SMG1: variants seen among roughly 807,000 people sequenced by gnomAD.
SMG1 encodes serine/threonine-protein kinase SMG1.
In SMG1, 22 loss-of-function variants were observed where a neutral mutation model predicts 419.9. That is an observed-to-expected ratio of 0.05 (90% confidence interval 0.04 to 0.07). The LOEUF (loss-of-function observed/expected upper bound fraction) is 0.07. SMG1 is among the 10% of genes least tolerant of loss of function. The pLI is 1.00. For missense variants in SMG1, 3,185 were observed against 4,342.0 expected, an observed-to-expected ratio of 0.73 and a Z score of 7.49; for synonymous variants, 1,538 against 1,553.5, an observed-to-expected ratio of 0.99 and a Z score of 0.23.
chr16:18,806,978 G>A lies in SMG1; in HGVS notation c.*2591C>T, dbSNP rs907075180. The A allele has an allele frequency of 6.6e-6, 1 of 152,232 alleles. No individual in the cohort carries two copies. Among genetic ancestry groups the A allele is most frequent in the African/African-American group, 2.4e-5 (1 of 41,462 alleles). The allele number at this position is 152,232 out of a possible 1,614,324, so 9.4% of individuals were successfully genotyped here. A position where few individuals can be genotyped will look rare whatever the true frequency, so the allele number is the denominator to read the frequency against. On this transcript the variant is annotated 3_prime_UTR_variant, in exon 63 of 63. Transcript: ENST00000446231. ...CTTGTCCAGAGTGCAGTAAGGAGCA[G>A]GCTTTTGAAGTCATCTATTACATCT...
chr16:18,916,376 G>A (rs1426033872), intron 1 of SMG1, among the ~76,000 whole-genome samples: 2 of 151,336 alleles, frequency 1.3e-5, no homozygotes, highest in Non-Finnish European at 2.9e-5. Flanking sequence ...TTAGCTGGGC[G>A]AGGTGGCGGG....
intron 13 of SMG1, chr16:18,875,869 A>AG: frequency 1.9e-6 from 1 of 534,234 alleles, no homozygotes; most frequent in Non-Finnish European, 3.3e-6. Flanking sequence ...GAAATTCATA[A>AG]GACATTTTCT....
At chr16:18,864,646 C>T (rs1372297917) in intron 23 of SMG1, among the ~76,000 whole-genome samples, 4 of 152,110 alleles carry the variant, frequency 2.6e-5, no homozygotes, top group Admixed American at 1.3e-4. Context: ...TAGGCGCCCA[C>T]CACCACACCT....
chr16:18,916,544 G>A (rs12232374), intron 1 of SMG1, among the ~76,000 whole-genome samples: 24,967 of 139,218 alleles, frequency 0.18, 2,397 homozygotes, highest in African/African-American at 0.23. Context: ...AAAGAATAAC[G>A]TTATAAAACC....
intron 25 of SMG1, among the ~76,000 whole-genome samples, chr16:18,862,816 G>A (rs549144485): frequency 6.6e-6 from 1 of 152,188 alleles, no homozygotes; most frequent in Non-Finnish European, 1.5e-5. Context: ...ACTGTTTAAG[G>A]CACTCCTAAA....
intron 60 of SMG1, among the ~76,000 whole-genome samples, chr16:18,814,068 TA>T (rs2031747671): frequency 8.3e-6 from 1 of 120,862 alleles, no homozygotes; most frequent in Non-Finnish European, 1.8e-5. Flanking sequence ...TAAAAAAAAA[TA>T]AAATAAAATA....
At chr16:18,913,177 G>A (rs1253307733) in intron 1 of SMG1, among the ~76,000 whole-genome samples, 4 of 152,070 alleles carry the variant, frequency 2.6e-5, no homozygotes, top group Non-Finnish European at 5.9e-5. Context: ...TGTCATTAAT[G>A]CATTGAATCT....
rs1417353872 is a variant in SMG1 at position 18,805,758 on chromosome 16, A to C, written c.*3811T>G. The C allele has an allele frequency of 1.3e-5, 2 of 152,190 alleles. No individual in the cohort carries two copies. Among genetic ancestry groups the C allele is most frequent in the Non-Finnish European group, 2.9e-5 (2 of 68,028 alleles). The allele number at this position is 152,190 out of a possible 1,614,324, so 9.4% of individuals were successfully genotyped here. A position where few individuals can be genotyped will look rare whatever the true frequency, so the allele number is the denominator to read the frequency against. ...TACCTCCTTGGCTTATGGGGGGAAA[A>C]GTCCTAGTTTTAAATTGCTGGCATT... On this transcript the variant is annotated 3_prime_UTR_variant, in exon 63 of 63. Transcript: ENST00000446231.
At chr16:18,897,255 T>C (rs2141856321) in intron 1 of SMG1, among the ~76,000 whole-genome samples, 1 of 152,320 alleles carries the variant, frequency 6.6e-6, no homozygotes, top group East Asian at 1.9e-4. Flanking sequence ...AAGTCTCCTG[T>C]CCCAGGCAAA....
At chr16:18,850,995 TC>T (rs1393215137) in intron 33 of SMG1, among the ~76,000 whole-genome samples, 1 of 152,184 alleles carries the variant, frequency 6.6e-6, no homozygotes, top group African/African-American at 2.4e-5. Context: ...CCTCAGGTGA[TC>T]CGCCTGCCTC....
chr16:18,918,241 C>G (rs1243521575), intron 1 of SMG1, among the ~76,000 whole-genome samples: 1 of 151,972 alleles, frequency 6.6e-6, no homozygotes, highest in Non-Finnish European at 1.5e-5. Context: ...CCAGCCTGGG[C>G]AACAAGAGCA....
chr16:18,840,493 C>G (rs1231528673), intron 41 of SMG1, among the ~76,000 whole-genome samples: 1 of 152,148 alleles, frequency 6.6e-6, no homozygotes, highest in East Asian at 1.9e-4. Context: ...TTATCAAAAG[C>G]ATTTTCTTTA....
intron 13 of SMG1, among the ~76,000 whole-genome samples, chr16:18,873,800 A>G (rs1596566246): frequency 6.6e-6 from 1 of 152,024 alleles, no homozygotes; most frequent in African/African-American, 2.4e-5. Context: ...GCCACTCTAC[A>G]CCTTTTCCAT....
chr16:18,806,162 G>A lies in SMG1; in HGVS notation c.*3407C>T, dbSNP rs760082449. 1.3e-5 allele frequency: 2 copies of A among 152,454 alleles called. No individual in the cohort carries two copies. Among genetic ancestry groups the A allele is most frequent in the Non-Finnish European group, 2.9e-5 (2 of 68,010 alleles). The allele number at this position is 152,454 out of a possible 1,614,324, so 9.4% of individuals were successfully genotyped here. ...GCCCTGCTCGGCATTTTTAAAAAATGGCTCTTTCCTTAAATTTCACACGTC... is the reference window on the plus strand; with the variant it reads ...GCCCTGCTCGGCATTTTTAAAAAATAGCTCTTTCCTTAAATTTCACACGTC... On this transcript the variant is annotated 3_prime_UTR_variant, in exon 63 of 63. Transcript: ENST00000446231.
At chr16:18,915,134 G>C (rs1440790221) in intron 1 of SMG1, among the ~76,000 whole-genome samples, 1 of 151,876 alleles carries the variant, frequency 6.6e-6, no homozygotes, top group Non-Finnish European at 1.5e-5. Context: ...ACCATGCCCA[G>C]CTAATTTTTG....
chr16:18,873,392 G>T (rs984464957), intron 13 of SMG1, among the ~76,000 whole-genome samples: 13 of 151,936 alleles, frequency 8.6e-5, no homozygotes, highest in African/African-American at 2.7e-4. Flanking sequence ...GCTAACTTTT[G>T]TATTTTTTTA....
chr16:18,879,184 G>T, intron 11 of SMG1: 1 of 392,872 alleles, frequency 2.5e-6, no homozygotes, highest in Non-Finnish European at 4.8e-6. Context: ...GGCACAATCA[G>T]AGCTCTCTTC....
intron 3 of SMG1, among the ~76,000 whole-genome samples, chr16:18,893,072 A>G (rs2036955563): frequency 6.6e-6 from 1 of 152,232 alleles, no homozygotes; most frequent in Non-Finnish European, 1.5e-5. Flanking sequence ...GTCTCAATCA[A>G]GTAAAAACAG....
intron 8 of SMG1, 149 bp downstream of exon 8, chr16:18,884,941 G>C: frequency 1.6e-6 from 1 of 628,712 alleles, no homozygotes; most frequent in East Asian, 2.8e-5. Flanking sequence ...TACATATTTA[G>C]CTAACAAGTA....
Sources: gnomAD v4.1 joint callset for allele counts (sites outside exome capture counted in the v4.1 genomes callset) on GRCh38, gnomAD v4.1.1 for gene constraint, MANE v1.5 for transcripts, NCBI Gene and HGNC (gene_info 2026-07-23, HGNC 2026-07-21) for gene names.